SLC46A2: variants seen among roughly 807,000 people sequenced by gnomAD.
The protein encoded by SLC46A2 is thymic stromal co-transporter.
Under a neutral mutation model 33.1 loss-of-function variants are expected in SLC46A2, and 25 were observed. That is an observed-to-expected ratio of 0.76 (90% CI 0.55 to 1.06). The LOEUF (loss-of-function observed/expected upper bound fraction) is 1.06. Among genes scored for constraint, SLC46A2 ranks in the 50% least tolerant of loss-of-function variants. The pLI, the probability that SLC46A2 is intolerant of heterozygous loss-of-function variation, is 0.00. For synonymous variants in SLC46A2, 254 were observed against 275.9 expected, an observed-to-expected ratio of 0.92 and a Z score of 0.79; for missense variants, 622 against 621.7, an observed-to-expected ratio of 1.00 and a Z score of 0.00.
rs753195812 is a variant in SLC46A2 at position 112,889,929 on chromosome 9, G to C, written c.753C>G (p.Gly251=). ...PAVDTVSGTV[G]TYRTLDPDQL... is the part of the protein sequence containing the mutation. Reference sequence around the variant, plus strand: ...GATCAGGATCCAGAGTGCGGTATGTGCCAACCGTGCCAGACACGGTATCCA... The same window carrying C: ...GATCAGGATCCAGAGTGCGGTATGTCCCAACCGTGCCAGACACGGTATCCA... Residue 251 remains glycine, a synonymous_variant, in exon 1 of 4, where the codon GGC becomes GGG. Coordinates refer to ENST00000374228, the MANE Select transcript of SLC46A2 (RefSeq NM_033051.4). 1 of 1,614,126 alleles carries C rather than the reference G, an allele frequency of 6.2e-7. No individual in the cohort carries two copies. The highest frequency in any genetic ancestry group is 1.3e-5 in the African/African-American group (1 of 74,946).
Position 112,890,403 on chromosome 9 carries a change from G to A in SLC46A2, c.279C>T (p.Ala93=), listed in dbSNP as rs1165211965. Residue 93 remains alanine (A), a synonymous_variant, in exon 1 of 4, where the codon GCC becomes GCT. Coordinates refer to ENST00000374228, the MANE Select transcript of SLC46A2 (RefSeq NM_033051.4). The surrounding 1 kb of genome is among the most constrained non-coding windows in gnomAD (Gnocchi z 6.0). ...GGTCGCTGAGCCATCCCAGCCCGTA[G>A]GCGGACAGCAGGGGGGACAGGCCCA... ...LVVGLSPLLS[A]YGLGWLSDRY... 1.2e-6 allele frequency: 2 copies of A among 1,614,210 alleles called. No individual in the cohort carries two copies. The highest frequency in any genetic ancestry group is 1.1e-5 in the South Asian group (1 of 91,082).
Position 112,879,637 on chromosome 9 carries a change from A to G in SLC46A2, c.*125T>C. 1 of 844,450 alleles carries G rather than the reference A, an allele frequency of 1.2e-6. No individual in the cohort carries two copies. The highest frequency in any genetic ancestry group is 1.9e-6 in the Non-Finnish European group (1 of 528,174). The allele number at this position is 844,450 out of a possible 1,614,324, so 52.3% of individuals were successfully genotyped here. A position where few individuals can be genotyped will look rare whatever the true frequency, so the allele number is the denominator to read the frequency against. Reference sequence around the variant, plus strand: ...GCCAGAGCAGGTCATTCTGAGGCCAACTCTGGCTGGAACGCAGGTTTCTTA... The same window carrying G: ...GCCAGAGCAGGTCATTCTGAGGCCAGCTCTGGCTGGAACGCAGGTTTCTTA... On this transcript the variant is annotated 3_prime_UTR_variant, in exon 4 of 4. Coordinates refer to ENST00000374228, the MANE Select transcript of SLC46A2 (RefSeq NM_033051.4).
At chr9:112,889,274 C>T (rs1841689666) in intron 1 of SLC46A2, among the ~76,000 whole-genome samples, 1 of 152,140 alleles carries the variant, frequency 6.6e-6, no homozygotes, top group African/African-American at 2.4e-5. Context: ...CATCCTGAAG[C>T]CTCCCCTACT....
chr9:112,879,996 G>A, intron 3 of SLC46A2, 177 bp from the exon 4 acceptor site: 1 of 525,032 alleles, frequency 1.9e-6, no homozygotes, highest in East Asian at 2.9e-5. Flanking sequence ...CTAGCTAAAA[G>A]GAGCATGTTG....
intron 1 of SLC46A2, among the ~76,000 whole-genome samples, chr9:112,887,812 C>T (rs370891840): frequency 2.0e-4 from 31 of 152,296 alleles, no homozygotes; most frequent in South Asian, 2.1e-4. Flanking sequence ...GAGATAGTCC[C>T]GGGAGCTTTG....
chr9:112,883,807 C>T (rs1464688922), intron 3 of SLC46A2, among the ~76,000 whole-genome samples: 1 of 151,776 alleles, frequency 6.6e-6, no homozygotes, highest in Non-Finnish European at 1.5e-5. Context: ...AAGCGATTCT[C>T]CTGCCTCAGC....
At chr9:112,886,063 G>A (rs1477233215) in intron 3 of SLC46A2, among the ~76,000 whole-genome samples, 3 of 152,218 alleles carry the variant, frequency 2.0e-5, no homozygotes, top group Non-Finnish European at 2.9e-5. Context: ...GTGAGGGCAC[G>A]GGGAAGAAAC....
Position 112,890,394 on chromosome 9 carries a change from C to A in SLC46A2, c.288G>T (p.Leu96=). 1 of 1,614,170 alleles carries A rather than the reference C, an allele frequency of 6.2e-7. No individual in the cohort carries two copies. Among genetic ancestry groups the A allele is most frequent in the Non-Finnish European group, 8.5e-7 (1 of 1,180,038 alleles). The stretch of plus-strand genomic sequence containing the variant: ...GGTGGTAGCGGTCGCTGAGCCATCC[C>A]AGCCCGTAGGCGGACAGCAGGGGGG... ...GLSPLLSAYG[L]GWLSDRYHRK... Residue 96 remains leucine, a synonymous_variant, in exon 1 of 4, where the codon CTG becomes CTT. Coordinates refer to ENST00000374228, the MANE Select transcript of SLC46A2 (RefSeq NM_033051.4). The surrounding 1 kb of genome is among the most constrained non-coding windows in gnomAD (Gnocchi z 6.0).
In SLC46A2 at chr9:112,890,807, CGCGAGTGTGCTCCGT is replaced by C; in HGVS notation, c.-141_-127del. Reference sequence around the variant, plus strand: ...GCGAGTGTGCTCCGTGCGCCGGGAGCGCGAGTGTGCTCCGTGCGCCGGGAGCGCGCCGGCCAGTGG... The same window carrying C: ...GCGAGTGTGCTCCGTGCGCCGGGAGCGCGCCGGGAGCGCGCCGGCCAGTGG... On this transcript the variant is annotated 5_prime_UTR_variant, in exon 1 of 4. Coordinates refer to ENST00000374228, the MANE Select transcript of SLC46A2 (RefSeq NM_033051.4). This position sits in a 1 kb window ranked among gnomAD's most constrained non-coding sequence, Gnocchi z 6.0. 13 of 1,105,076 alleles carry C rather than the reference CGCGAGTGTGCTCCGT, an allele frequency of 1.2e-5. No individual in the cohort carries two copies. Among genetic ancestry groups the C allele is most frequent in the Non-Finnish European group, 1.6e-5 (13 of 795,210 alleles). The allele number at this position is 1,105,076 out of a possible 1,614,324, so 68.5% of individuals were successfully genotyped here.
intron 1 of SLC46A2, among the ~76,000 whole-genome samples, 162 bp from the exon 2 acceptor site, chr9:112,887,575 C>G (rs1419936565): frequency 3.9e-5 from 6 of 152,206 alleles, no homozygotes; most frequent in Non-Finnish European, 8.8e-5. Context: ...CCTCCCTTGA[C>G]CAGTCTGTGA....
In SLC46A2 at chr9:112,890,740, C is replaced by G; in HGVS notation, c.-59G>C. ...GGCTGCAGTGACAAGGATATGCTCC[C>G]AAATTCGGCTGCTACGGCTGCTCAG... On this transcript the variant is annotated 5_prime_UTR_variant, in exon 1 of 4. Transcript: ENST00000374228. The surrounding 1 kb of genome is among the most constrained non-coding windows in gnomAD (Gnocchi z 6.0). 2 of 1,526,414 alleles carry G rather than the reference C, an allele frequency of 1.3e-6. No individual in the cohort carries two copies. The highest frequency in any genetic ancestry group is 1.8e-6 in the Non-Finnish European group (2 of 1,142,716). The allele number at this position is 1,526,414 out of a possible 1,614,324, so 94.6% of individuals were successfully genotyped here.
At chr9:112,889,354 A>G (rs1841690770) in intron 1 of SLC46A2, among the ~76,000 whole-genome samples, 199 bp downstream of exon 1, 1 of 152,168 alleles carries the variant, frequency 6.6e-6, no homozygotes, top group Non-Finnish European at 1.5e-5. Flanking sequence ...GTAACATTTC[A>G]TTCTCAATAT....
At chr9:112,886,693 G>T in intron 2 of SLC46A2, 77 bp from the exon 3 acceptor site, 1 of 1,472,596 alleles carries the variant, frequency 6.8e-7, no homozygotes. Flanking sequence ...TCTCTGGAGA[G>T]TTCTTAGGGG....
rs1841682125 is a variant in SLC46A2, at chr9:112,888,884, T to TG, written c.1129+668_1129+669insC. 9.8e-5 allele frequency among the ~76,000 whole-genome samples: 14 copies of TG among 142,266 alleles called. No homozygotes were observed. The South Asian group carries it at 1.4e-3, about 15-fold the overall frequency. The allele number at this position is 142,266 out of a possible 152,430, so 93.3% of individuals were successfully genotyped here. A position where few individuals can be genotyped will look rare whatever the true frequency, so the allele number is the denominator to read the frequency against. The stretch of plus-strand genomic sequence containing the variant: ...TTCCACTCCTCCACGTTTTTTTTTT[T>TG]TTGTTTGTTTGTTTTTTTTTTTTTG... On this transcript the variant is annotated intron_variant, in intron 1 of 3. Transcript: ENST00000374228.
chr9:112,879,762 T>C lies in SLC46A2; in HGVS notation c.1428A>G (p.Ter476TrpextTer27). The C allele has an allele frequency of 6.2e-7, 1 of 1,612,256 alleles. No homozygotes were observed. The change falls in exon 4 of 4, where the codon TGA becomes TGG. Residue 476 changes from the stop codon to tryptophan, a stop_lost. Coordinates refer to ENST00000374228, the MANE Select transcript of SLC46A2 (RefSeq NM_033051.4). ...LSPYGDIIEK[*>W] ...TTTCAGTTCCTGCAGGTAAGCATCT[T>C]CATTTCTCTATGATGTCTCCATATG...
At chr9:112,887,946 T>TGAGAGA (rs59654891) in intron 1 of SLC46A2, among the ~76,000 whole-genome samples, 35 of 139,382 alleles carry the variant, frequency 2.5e-4, no homozygotes, top group East Asian at 4.3e-4. Context: ...TGTGTGTGTG[T>TGAGAGA]GAGAGAGAGA....
intron 3 of SLC46A2, among the ~76,000 whole-genome samples, chr9:112,881,841 T>C (rs1841581728): frequency 6.6e-6 from 1 of 152,188 alleles, no homozygotes; most frequent in East Asian, 1.9e-4. Flanking sequence ...TAGGAAGCTC[T>C]GGGAGCATGT....
At position 112,879,473 on chromosome 9, in the gene SLC46A2, TGTGCAGC is replaced by T; in HGVS notation, c.*282_*288del. On this transcript the variant is annotated 3_prime_UTR_variant, in exon 4 of 4. Coordinates refer to ENST00000374228, the MANE Select transcript of SLC46A2 (RefSeq NM_033051.4). ...CCCCTCACAGGGCCTGGGACTGCTG[TGTGCAGC>T]CTGCCTGTAACCCTTAAGGTCATGC... is the stretch of plus-strand genomic sequence containing the variant. 1 of 337,808 alleles carries T rather than the reference TGTGCAGC, an allele frequency of 3.0e-6. No homozygotes were observed. Among genetic ancestry groups the T allele is most frequent in the South Asian group, 6.3e-5 (1 of 15,878 alleles). 20.9% of individuals were successfully genotyped at this position (337,808 alleles called of 1,614,324 possible). A position where few individuals can be genotyped will look rare whatever the true frequency, so the allele number is the denominator to read the frequency against.
At chr9:112,889,049 C>G (rs1296833986) in intron 1 of SLC46A2, among the ~76,000 whole-genome samples, 2 of 152,080 alleles carry the variant, frequency 1.3e-5, no homozygotes, top group African/African-American at 4.8e-5. Flanking sequence ...CACCACCACA[C>G]CTGGCTAATT....
Sources: gnomAD v4.1 joint callset for allele counts (sites outside exome capture counted in the v4.1 genomes callset) on GRCh38, gnomAD v4.1.1 for gene constraint, Gnocchi (gnomAD v3.1) non-coding constraint, MANE v1.5 for transcripts, NCBI Gene and HGNC (gene_info 2026-07-23, HGNC 2026-07-21) for gene names.